DDX54: variants seen among roughly 807,000 people sequenced by gnomAD.
DDX54 encodes the protein DEAD-box helicase 54.
Under a neutral mutation model 105.5 loss-of-function variants are expected in DDX54, and 67 were observed. That is an observed-to-expected ratio of 0.64 (90% CI 0.52 to 0.78). DDX54 has a LOEUF of 0.78. Ranked by LOEUF, DDX54 falls within the 30% of genes least tolerant of loss-of-function variation. The pLI is 0.00. For missense variants in DDX54, 1,206 were observed against 1,230.5 expected (o/e 0.98, Z 0.30); for synonymous variants, 514 against 509.9 (o/e 1.01, Z -0.11).
In DDX54 at chr12:113,180,019, G is replaced by T. The variant is rs912910546; in HGVS notation, c.305-14C>A. The T allele has an allele frequency of 6.2e-6, 10 of 1,614,008 alleles. No individual in the cohort carries two copies. Among genetic ancestry groups the T allele is most frequent in the Non-Finnish European group, 7.6e-6 (9 of 1,179,976 alleles). Reference sequence around the variant, plus strand: ...GGTAGCTCAGGCCTGGGAGAGACATGAAACGGTCAGGGGGCCGAGGGAGTC... The same window carrying T: ...GGTAGCTCAGGCCTGGGAGAGACATTAAACGGTCAGGGGGCCGAGGGAGTC... On this transcript the variant is annotated splice_polypyrimidine_tract_variant and intron_variant, in intron 2 of 19. Coordinates refer to ENST00000306014, the MANE Select transcript of DDX54 (RefSeq NM_024072.4).
chr12:113,161,015 G>C (rs1467394467), intron 19 of DDX54, among the ~76,000 whole-genome samples: 2 of 151,528 alleles, frequency 1.3e-5, no homozygotes, highest in Non-Finnish European at 2.9e-5. Context: ...GCACCTGAGG[G>C]GCATGGCACT....
rs1251406979 is a variant in DDX54 at position 113,157,831 on chromosome 12, T to C, written c.*1046A>G. On this transcript the variant is annotated 3_prime_UTR_variant, in exon 20 of 20. Coordinates refer to ENST00000306014, the MANE Select transcript of DDX54 (RefSeq NM_024072.4). ...AGGGCTGTGCCTGTTCAGAGTGCTG[T>C]GGGCCTGCCATGAGGGGCACATAGC... is the stretch of plus-strand genomic sequence containing the variant. The C allele has an allele frequency of 4.5e-6, 3 of 671,776 alleles. No individual in the cohort carries two copies. The highest frequency in any genetic ancestry group is 7.8e-6 in the Non-Finnish European group (3 of 384,320). 41.6% of individuals were successfully genotyped at this position (671,776 alleles called of 1,614,324 possible). A position where few individuals can be genotyped will look rare whatever the true frequency, so the allele number is the denominator to read the frequency against.
rs775014742 is a variant in DDX54, at chr12:113,158,900, CCTT to C, written c.2620_2622del (p.Lys874del). 1.2e-6 allele frequency: 2 copies of C among 1,606,064 alleles called. No homozygotes were observed. The highest frequency in any genetic ancestry group is 2.7e-5 in the African/African-American group (2 of 74,912). On this transcript the variant is annotated inframe_deletion, in exon 20 of 20. Coordinates refer to ENST00000306014, the MANE Select transcript of DDX54 (RefSeq NM_024072.4). This position sits in a 1 kb window ranked among gnomAD's most constrained non-coding sequence, Gnocchi z 4.9. ...CCTCACATCCTCTTCCGCATCTTGCCCTTCTTGGAGCGGGCACCCCGGCCGAAG... is the reference window on the plus strand; with the variant it reads ...CCTCACATCCTCTTCCGCATCTTGCCCTTGGAGCGGGCACCCCGGCCGAAG...
At chr12:113,181,403 C>G (rs1465979449) in intron 1 of DDX54, among the ~76,000 whole-genome samples, 1 of 151,904 alleles carries the variant, frequency 6.6e-6, no homozygotes, top group East Asian at 1.9e-4. Context: ...AGTGAGTCTC[C>G]CACCTTAGAC....
At chr12:113,182,515 G>A (rs994207095) in intron 1 of DDX54, among the ~76,000 whole-genome samples, 3 of 151,986 alleles carry the variant, frequency 2.0e-5, no homozygotes, top group Admixed American at 6.6e-5. Flanking sequence ...ACACACAGGC[G>A]CCTGCAATAG....
intron 12 of DDX54, among the ~76,000 whole-genome samples, chr12:113,169,482 G>A (rs557028358): frequency 3.3e-5 from 5 of 152,040 alleles, no homozygotes; most frequent in African/African-American, 9.7e-5. Context: ...TTTGCCAGGC[G>A]TGGTGGCGGG....
At chr12:113,171,448 C>T (rs916082736) in intron 11 of DDX54, among the ~76,000 whole-genome samples, 5 of 151,824 alleles carry the variant, frequency 3.3e-5, no homozygotes, top group African/African-American at 1.2e-4. Context: ...ACTAAAAACA[C>T]AAAAAATTAG....
At chr12:113,181,352 G>C (rs1387938701) in intron 1 of DDX54, among the ~76,000 whole-genome samples, 2 of 151,756 alleles carry the variant, frequency 1.3e-5, no homozygotes, top group Non-Finnish European at 2.9e-5. Flanking sequence ...GAGTACAGCA[G>C]TGCAGGCATG....
At position 113,157,380 on chromosome 12, in the gene DDX54, T is replaced by C. The variant is rs529048206; in HGVS notation, c.*1497A>G. 224 of 582,994 alleles carry C rather than the reference T, an allele frequency of 3.8e-4. No individual in the cohort carries two copies. The highest frequency in any genetic ancestry group is 3.5e-3 in the African/African-American group (190 of 53,808). 36.1% of individuals were successfully genotyped at this position (582,994 alleles called of 1,614,324 possible). A position where few individuals can be genotyped will look rare whatever the true frequency, so the allele number is the denominator to read the frequency against. On this transcript the variant is annotated 3_prime_UTR_variant, in exon 20 of 20. Transcript: ENST00000306014. ...GACAGCAGCGAGGAAGCTGTGAAGG[T>C]GTCTGCTCACGCAGCAGTTGGGAAG...
Position 113,185,463 on chromosome 12 carries a change from G to A in DDX54, c.-12C>T. 6.7e-7 allele frequency: 1 copy of A among 1,494,072 alleles called. No individual in the cohort carries two copies. The highest frequency in any genetic ancestry group is 8.9e-7 in the Non-Finnish European group (1 of 1,125,944). 92.6% of individuals were successfully genotyped at this position (1,494,072 alleles called of 1,614,324 possible). On this transcript the variant is annotated 5_prime_UTR_variant, in exon 1 of 20. Coordinates refer to ENST00000306014, the MANE Select transcript of DDX54 (RefSeq NM_024072.4). ...TTGTCGGCCGCCATTCGGGCCGCGC[G>A]CTGGGAACGCAGAAGGGGGCGTGGC...
chr12:113,163,265 A>T lies in DDX54; in HGVS notation c.1948T>A (p.Ser650Thr). The T allele has an allele frequency of 6.2e-7, 1 of 1,609,022 alleles. No homozygotes were observed. The highest frequency in any genetic ancestry group is 1.1e-5 in the South Asian group (1 of 91,048). Reference sequence around the variant, plus strand: ...TGCCGCTTCCGGCCCACGACCTCTGAGAAAATGTCCTGGCAGAGCACAGAC... The same window carrying T: ...TGCCGCTTCCGGCCCACGACCTCTGTGAAAATGTCCTGGCAGAGCACAGAC... ...EAGESVEDIF[S>T]EVVGRKRQRS... The change falls in exon 16 of 20, where the codon TCA (serine) becomes ACA (threonine). Residue 650 changes from serine (S) to threonine (T), a missense_variant. Physicochemically the swap from Ser to Thr is moderately conservative, Grantham distance 58. Transcript: ENST00000306014. The surrounding 1 kb of genome is among the most constrained non-coding windows in gnomAD (Gnocchi z 5.9).
chr12:113,176,498 C>T (rs749262371), intron 7 of DDX54, among the ~76,000 whole-genome samples: 5 of 152,042 alleles, frequency 3.3e-5, no homozygotes, highest in Non-Finnish European at 5.9e-5. Context: ...ACCCGGAAGG[C>T]GGAGGTTGAA....
chr12:113,162,097 T>C, intron 17 of DDX54, 100 bp from the exon 18 acceptor site: 1 of 1,119,272 alleles, frequency 8.9e-7, no homozygotes, highest in Non-Finnish European at 1.3e-6. Flanking sequence ...CTTGTCAGGT[T>C]GTTGGAGCAT....
intron 10 of DDX54, 138 bp downstream of exon 10, chr12:113,174,501 TA>T (rs1256680598): frequency 1.2e-5 from 16 of 1,287,506 alleles, no homozygotes; most frequent in Non-Finnish European, 1.6e-5. Flanking sequence ...AAATAAAAAA[TA>T]AAAATAAAAA....
intron 5 of DDX54, among the ~76,000 whole-genome samples, chr12:113,177,953 A>T (rs1297100760): frequency 6.6e-6 from 1 of 152,230 alleles, no homozygotes; most frequent in Non-Finnish European, 1.5e-5. Flanking sequence ...CTAACAGCCC[A>T]CAGCCAGGCG....
At position 113,179,263 on chromosome 12, in the gene DDX54, G is replaced by C. The variant is rs370336359; in HGVS notation, c.444C>G (p.Ala148=). The change falls in exon 4 of 20, where the codon GCC becomes GCG. Residue 148 remains alanine, a synonymous_variant. Transcript: ENST00000306014. Reference sequence around the variant, plus strand: ...GCTCGAACATTGGGAGGAGGAAGCAGGCTGTCTTGCCACTGCCCGTCCGGG... The same window carrying C: ...GCTCGAACATTGGGAGGAGGAAGCACGCTGTCTTGCCACTGCCCGTCCGGG... ...AMARTGSGKT[A]CFLLPMFERL... 7 of 1,614,022 alleles carry C rather than the reference G, an allele frequency of 4.3e-6. No homozygotes were observed. The highest frequency in any genetic ancestry group is 1.3e-5 in the African/African-American group (1 of 74,942).
chr12:113,177,521 C>T (rs1252926445), intron 5 of DDX54, among the ~76,000 whole-genome samples: 1 of 152,116 alleles, frequency 6.6e-6, no homozygotes, highest in Non-Finnish European at 1.5e-5. Context: ...CTGCAGCACC[C>T]TTGGGATACC....
Position 113,165,978 on chromosome 12 carries a change from T to C in DDX54, c.1469A>G (p.Glu490Gly). ...GGTGCTCTGCAGACCACTGTCCTCC[T>C]CGTCCACCACACTCTGTGGCACCCG... Reference protein sequence around the residue: ...LGRVPQSVVDEEDSGLQSTLE... With the variant: ...LGRVPQSVVDGEDSGLQSTLE... The change falls in exon 13 of 20, where the codon GAG becomes GGG. Residue 490 changes from glutamate (E) to glycine (G), a missense_variant. Glu to Gly is a moderately conservative substitution (Grantham distance 98). Transcript: ENST00000306014. 1 of 1,612,752 alleles carries C rather than the reference T, an allele frequency of 6.2e-7. No individual in the cohort carries two copies. Among genetic ancestry groups the C allele is most frequent in the Non-Finnish European group, 8.5e-7 (1 of 1,180,006 alleles).
chr12:113,159,282 T>A, intron 19 of DDX54, 173 bp from the exon 20 acceptor site: 2 of 697,192 alleles, frequency 2.9e-6, no homozygotes, highest in Non-Finnish European at 4.6e-6. Context: ...CCTCATGGAG[T>A]GGTCAATAAC....
Sources: gnomAD v4.1 joint callset for allele counts (sites outside exome capture counted in the v4.1 genomes callset) on GRCh38, gnomAD v4.1.1 for gene constraint, Gnocchi (gnomAD v3.1) non-coding constraint, MANE v1.5 for transcripts, NCBI Gene and HGNC (gene_info 2026-07-23, HGNC 2026-07-21) for gene names.